ZFAND3: variants seen among roughly 807,000 people sequenced by gnomAD.
The protein encoded by ZFAND3 is zinc finger AN1-type containing 3, also known as AN1-type zinc finger protein 3.
A neutral mutation model predicts 29.6 loss-of-function variants in ZFAND3; 10 were observed. The ratio of observed to expected loss-of-function variants is 0.34; its 90% CI spans 0.21 to 0.57. The LOEUF (loss-of-function observed/expected upper bound fraction) is 0.57. Among genes scored for constraint, ZFAND3 ranks in the 20% least tolerant of loss-of-function variants. The pLI is 0.86. For synonymous variants in ZFAND3, 128 were observed against 112.6 expected (o/e 1.14, Z -0.87); for missense variants, 230 against 304.5 (o/e 0.76, Z 1.82).
At chr6:37,930,764 G>T (rs915640296) in intron 2 of ZFAND3, among the ~76,000 whole-genome samples, 1 of 152,070 alleles carries the variant, frequency 6.6e-6, no homozygotes, top group Non-Finnish European at 1.5e-5. Context: ...TCTATCTAGC[G>T]ATCCTATATA....
intron 1 of ZFAND3, among the ~76,000 whole-genome samples, chr6:37,893,168 T>A (rs558771934): frequency 1.3e-5 from 2 of 152,194 alleles, no homozygotes; most frequent in Non-Finnish European, 2.9e-5. Flanking sequence ...ATATCTCTTA[T>A]GAATATGTAT....
intron 1 of ZFAND3, among the ~76,000 whole-genome samples, chr6:37,897,317 T>A (rs1329490331): frequency 1.3e-5 from 2 of 152,232 alleles, no homozygotes; most frequent in African/African-American, 4.8e-5. Flanking sequence ...CTGGTGTGTT[T>A]TGCTCAACAT....
At chr6:37,898,257 C>T (rs929950299) in intron 1 of ZFAND3, among the ~76,000 whole-genome samples, 6 of 152,112 alleles carry the variant, frequency 3.9e-5, no homozygotes, top group Admixed American at 2.0e-4. Context: ...CAAGTTGACC[C>T]AGCTCCGTTT....
intron 5 of ZFAND3, among the ~76,000 whole-genome samples, chr6:38,147,359 A>G (rs959584513): frequency 2.0e-5 from 3 of 152,222 alleles, no homozygotes; most frequent in African/African-American, 7.2e-5. Context: ...CTTTGTGTAT[A>G]TATACTACAT....
chr6:37,881,407 G>T (rs1317405489), intron 1 of ZFAND3, among the ~76,000 whole-genome samples: 3 of 152,272 alleles, frequency 2.0e-5, no homozygotes, highest in South Asian at 4.1e-4. Context: ...TTAAATTAAA[G>T]ACCTAGTTGG....
intron 5 of ZFAND3, among the ~76,000 whole-genome samples, chr6:38,139,012 C>A (rs770683303): frequency 6.6e-6 from 1 of 152,058 alleles, no homozygotes; most frequent in Non-Finnish European, 1.5e-5. Context: ...TGCAGGAGGA[C>A]GTGATGCTGG....
At chr6:38,131,403 C>A (rs1482960440) in intron 5 of ZFAND3, among the ~76,000 whole-genome samples, 1 of 152,200 alleles carries the variant, frequency 6.6e-6, no homozygotes, top group Non-Finnish European at 1.5e-5. Context: ...TAGAGTCCTT[C>A]TTTAGAAGGT....
intron 1 of ZFAND3, among the ~76,000 whole-genome samples, chr6:37,848,793 A>T (rs1165978967): frequency 1.3e-5 from 2 of 151,498 alleles, no homozygotes; most frequent in African/African-American, 4.9e-5. Context: ...CTTCCTCAAA[A>T]TTTTTTTTTA....
At chr6:38,101,702 A>T (rs1765095784) in intron 4 of ZFAND3, among the ~76,000 whole-genome samples, 1 of 129,570 alleles carries the variant, frequency 7.7e-6, no homozygotes, top group Non-Finnish European at 1.6e-5. Flanking sequence ...TGAACCTGGG[A>T]GGTGGAGGTT....
In ZFAND3 at chr6:38,091,845, A is replaced by G. The variant is rs575340206; in HGVS notation, c.361+9388A>G. ...GGAGGCCTTATTACTGCTCATCAGC[A>G]ATTATAAACAGGATAAAGTGTCTGG... On this transcript the variant is annotated intron_variant, in intron 4 of 5. Coordinates refer to ENST00000287218, the MANE Select transcript of ZFAND3 (RefSeq NM_021943.3). 3.3e-5 allele frequency among the ~76,000 whole-genome samples: 5 copies of G among 151,612 alleles called. 1 individual carries two copies. The highest frequency in any genetic ancestry group is 5.9e-5 in the Non-Finnish European group (4 of 68,014).
chr6:38,057,574 C>A (rs1398039032), intron 2 of ZFAND3, among the ~76,000 whole-genome samples: 1 of 152,156 alleles, frequency 6.6e-6, no homozygotes. Flanking sequence ...ATAACCACCT[C>A]CCTTTGTTTT....
At chr6:38,037,180 C>T (rs1232185889) in intron 2 of ZFAND3, among the ~76,000 whole-genome samples, 1 of 152,152 alleles carries the variant, frequency 6.6e-6, no homozygotes, top group Admixed American at 6.5e-5. Flanking sequence ...ACCTTAGAAC[C>T]TCTTAAAGGT....
intron 2 of ZFAND3, among the ~76,000 whole-genome samples, chr6:38,026,421 A>ATTTTTTTTTTTT (rs10715149): frequency 1.3e-5 from 1 of 74,834 alleles, no homozygotes; most frequent in African/African-American, 5.6e-5. Flanking sequence ...TTACTTTAGG[A>ATTTTTTTTTTTT]TTTTTTTTTT....
Position 38,152,334 on chromosome 6 carries a change from A to G in ZFAND3, c.629A>G (p.Lys210Arg), listed in dbSNP as rs750979111. ...GAGGAAGCCATCATGAAAATGGTGA[A>G]GCTGGACCGGAAAGTGGGGCGCTCC... ...GREEAIMKMV[K>R]LDRKVGRSCQ... Residue 210 changes from lysine to arginine, a missense_variant, in exon 6 of 6, where the codon AAG becomes AGG. By Grantham distance (26) the Lys-to-Arg change is conservative. This residue lies in a region of ZFAND3 where 50 missense variants were observed against 102.0 expected (regional missense o/e 0.49). Coordinates refer to ENST00000287218, the MANE Select transcript of ZFAND3 (RefSeq NM_021943.3). The G allele has an allele frequency of 6.2e-7, 1 of 1,610,752 alleles. No individual in the cohort carries two copies. Among genetic ancestry groups the G allele is most frequent in the South Asian group, 1.1e-5 (1 of 90,532 alleles).
intron 1 of ZFAND3, among the ~76,000 whole-genome samples, chr6:37,905,813 T>TA (rs1765396754): frequency 6.6e-6 from 1 of 152,102 alleles, no homozygotes; most frequent in African/African-American, 2.4e-5. Flanking sequence ...CTACCTACCT[T>TA]ATAGTTTTTT....
chr6:37,889,553 T>A (rs1022174904), intron 1 of ZFAND3, among the ~76,000 whole-genome samples: 1 of 152,164 alleles, frequency 6.6e-6, no homozygotes, highest in East Asian at 1.9e-4. Context: ...TCTTAGACAT[T>A]GAATTTAATA....
rs748713928 is a variant in ZFAND3 at position 38,153,710 on chromosome 6, TCA to T, written c.*1323_*1324del. ...GGCCTGGTTGCCCCATGTTAGGAAA[TCA>T]CTACCAGTCAGGTGGGGCTGGGGCT... On this transcript the variant is annotated 3_prime_UTR_variant, in exon 6 of 6. Transcript: ENST00000287218. 31 of 985,136 alleles carry T rather than the reference TCA, an allele frequency of 3.1e-5. No homozygotes were observed. Among genetic ancestry groups the T allele is most frequent in the Middle Eastern group, 5.2e-4 (1 of 1,936 alleles). The allele number at this position is 985,136 out of a possible 1,614,324, so 61.0% of individuals were successfully genotyped here.
chr6:38,105,346 C>T (rs983744396), intron 4 of ZFAND3, among the ~76,000 whole-genome samples: 7 of 151,992 alleles, frequency 4.6e-5, no homozygotes, highest in East Asian at 1.9e-4. Context: ...TTGAGGCTGC[C>T]GTGACCTGTG....
At chr6:37,930,063 CT>C in intron 2 of ZFAND3, 64 bp downstream of exon 2, 1 of 1,310,888 alleles carries the variant, frequency 7.6e-7, no homozygotes, top group Non-Finnish European at 1.0e-6. Flanking sequence ...TTTTTTGGTT[CT>C]TTTTAAGACT....
Sources: allele counts gnomAD v4.1 joint callset (sites outside exome capture counted in the v4.1 genomes callset), GRCh38; gene constraint gnomAD v4.1.1; regional missense constraint gnomAD v4.1.1; transcripts MANE v1.5; gene names NCBI Gene and HGNC (gene_info 2026-07-23, HGNC 2026-07-21).